Variants in ARRDC3 observed in about 807,000 individuals in gnomAD.
The protein encoded by ARRDC3 is arrestin domain-containing protein 3.
In ARRDC3, 10 loss-of-function variants were observed where a neutral mutation model predicts 47.2. That is an observed-to-expected ratio of 0.21 (90% CI 0.13 to 0.36). The LOEUF is 0.36. Among genes scored for constraint, ARRDC3 ranks in the 10% least tolerant of loss-of-function variants. The pLI is 1.00. For synonymous variants in ARRDC3, 156 were observed against 178.3 expected (o/e 0.87, Z 1.00); for missense variants, 381 against 503.6 (o/e 0.76, Z 2.33).
At position 91,374,231 on chromosome 5, in the gene ARRDC3, G is replaced by A; in HGVS notation, c.916C>T (p.Pro306Ser). The A allele has an allele frequency of 6.2e-7, 1 of 1,613,634 alleles. No homozygotes were observed. Among genetic ancestry groups the A allele is most frequent in the South Asian group, 1.1e-5 (1 of 91,058 alleles). Residue 306 changes from proline to serine, a missense_variant, in exon 6 of 8, where the codon CCA (proline) becomes TCA (serine). Physicochemically the swap from Pro to Ser is moderately conservative, Grantham distance 74. Coordinates refer to ENST00000265138, the MANE Select transcript of ARRDC3 (RefSeq NM_020801.4). Reference sequence around the variant, plus strand: ...AGAGGAATGGTACCGATGACAAGTGGCAAATTAAGAAATAAATCCATAGCT... The same window carrying A: ...AGAGGAATGGTACCGATGACAAGTGACAAATTAAGAAATAAATCCATAGCT... ...PGAMDLFLNL[P>S]LVIGTIPLHP...
At position 91,373,048 on chromosome 5, in the gene ARRDC3, T is replaced by C. The variant is rs548345014; in HGVS notation, c.1188+636A>G. Among the ~76,000 whole-genome samples the C allele has an allele frequency of 1.2e-4, 19 of 152,334 alleles. No individual in the cohort carries two copies. The South Asian group carries it at 1.7e-3, about 13-fold the overall frequency. On this transcript the variant is annotated intron_variant, in intron 7 of 7. Transcript: ENST00000265138. ...CACCTTTTCAAGAAGCCCCACCTGA[T>C]GCCCAAGACCTAATAAGCTGCTTCT... is the stretch of plus-strand genomic sequence containing the variant.
At chr5:91,381,237 G>C (rs1044349717) in intron 1 of ARRDC3, among the ~76,000 whole-genome samples, 7 of 152,110 alleles carry the variant, frequency 4.6e-5, no homozygotes, top group African/African-American at 1.7e-4. Flanking sequence ...AGGGCATTTA[G>C]TTTTCTTTAC....
chr5:91,371,988 A>G (rs1055350749), intron 7 of ARRDC3, among the ~76,000 whole-genome samples: 1 of 152,110 alleles, frequency 6.6e-6, no homozygotes, highest in Non-Finnish European at 1.5e-5. Flanking sequence ...ATGTGAGGTA[A>G]TAACTCATGG....
chr5:91,376,544 G>A, intron 3 of ARRDC3, 77 bp downstream of exon 3: 1 of 1,245,958 alleles, frequency 8.0e-7, no homozygotes, highest in East Asian at 2.5e-5. Flanking sequence ...TATGACAACT[G>A]CATAGTTTAG....
At chr5:91,372,802 A>G (rs1279184791) in intron 7 of ARRDC3, among the ~76,000 whole-genome samples, 1 of 152,182 alleles carries the variant, frequency 6.6e-6, no homozygotes, top group Admixed American at 6.5e-5. Flanking sequence ...AGCTATGTAA[A>G]TTACAGTAAC....
chr5:91,371,437 T>G lies in ARRDC3; in HGVS notation c.1208A>C (p.Gln403Pro), dbSNP rs1209508763. Residue 403 changes from glutamine to proline, a missense_variant, in exon 8 of 8, where the codon CAG becomes CCG. Coordinates refer to ENST00000265138, the MANE Select transcript of ARRDC3 (RefSeq NM_020801.4). ...LYSEIDPNPDQSADDRPSCPS... is the reference protein window; with the variant it reads ...LYSEIDPNPDPSADDRPSCPS... The stretch of plus-strand genomic sequence containing the variant: ...GCAGGATGGTCTATCATCTGCTGAC[T>G]GATCAGGATTTGGATCAATCTAGAA... The G allele has an allele frequency of 6.2e-7, 1 of 1,613,490 alleles. No homozygotes were observed. Among genetic ancestry groups the G allele is most frequent in the East Asian group, 2.2e-5 (1 of 44,872 alleles).
intron 1 of ARRDC3, among the ~76,000 whole-genome samples, chr5:91,381,977 AT>A (rs1414545801): frequency 6.6e-6 from 1 of 152,198 alleles, no homozygotes; most frequent in Admixed American, 6.5e-5. Flanking sequence ...TAAACAATAG[AT>A]TGGAAATCTC....
At chr5:91,382,690 C>T in intron 1 of ARRDC3, 123 bp downstream of exon 1, 1 of 1,104,658 alleles carries the variant, frequency 9.1e-7, no homozygotes, top group East Asian at 2.4e-5. Flanking sequence ...AACCTTCCAA[C>T]TTTGCTAACC....
chr5:91,372,702 C>G (rs1799208410), intron 7 of ARRDC3, among the ~76,000 whole-genome samples: 1 of 151,678 alleles, frequency 6.6e-6, no homozygotes, highest in African/African-American at 2.4e-5. Flanking sequence ...GAAAACTGAC[C>G]CTTCCAGTTA....
intron 7 of ARRDC3, among the ~76,000 whole-genome samples, chr5:91,373,318 A>T (rs1282228781): frequency 6.6e-6 from 1 of 152,240 alleles, no homozygotes; most frequent in Non-Finnish European, 1.5e-5. Flanking sequence ...AAGCATCATG[A>T]ATAAGATAAA....
chr5:91,383,220 T>C lies in ARRDC3; in HGVS notation c.-128A>G. ...AAATGCTTGCAGGCCGGATCAGTGA[T>C]TCTCTACAAATAGTTCATTGAGATT... On this transcript the variant is annotated 5_prime_UTR_variant, in exon 1 of 8. Coordinates refer to ENST00000265138, the MANE Select transcript of ARRDC3 (RefSeq NM_020801.4). 1 of 848,772 alleles carries C rather than the reference T, an allele frequency of 1.2e-6. No individual in the cohort carries two copies. Among genetic ancestry groups the C allele is most frequent in the African/African-American group, 1.7e-5 (1 of 58,386 alleles). 52.6% of individuals were successfully genotyped at this position (848,772 alleles called of 1,614,324 possible). A position where few individuals can be genotyped will look rare whatever the true frequency, so the allele number is the denominator to read the frequency against.
chr5:91,382,789 G>A, intron 1 of ARRDC3, 24 bp downstream of exon 1: 1 of 1,594,536 alleles, frequency 6.3e-7, no homozygotes, highest in South Asian at 1.1e-5. Flanking sequence ...TGAGTCCAAT[G>A]ACTTATGAAT....
chr5:91,375,255 T>C, intron 4 of ARRDC3, 77 bp from the exon 5 acceptor site: 2 of 1,454,382 alleles, frequency 1.4e-6, no homozygotes, highest in Admixed American at 2.2e-5. Context: ...AAAGCTAAAG[T>C]AAGAAAGTGC....
rs1385319028 is a variant in ARRDC3 at position 91,374,204 on chromosome 5, G to A, written c.943C>T (p.His315Tyr). 50 of 1,613,812 alleles carry A rather than the reference G, an allele frequency of 3.1e-5. No homozygotes were observed. In the Admixed American group the frequency reaches 6.2e-4, roughly 20 times the overall value. Residue 315 changes from histidine to tyrosine, a missense_variant, in exon 6 of 8, where the codon CAT becomes TAT. Physicochemically the swap from His to Tyr is moderately conservative, Grantham distance 83. Transcript: ENST00000265138. ...CTTGAGGTTCTGCTACCAAATGGAT[G>A]TAGAGGAATGGTACCGATGACAAGT... is the stretch of plus-strand genomic sequence containing the variant. ...LPLVIGTIPL[H>Y]PFGSRTSSVS...
At chr5:91,376,577 T>C (rs1274102157) in intron 3 of ARRDC3, 44 bp downstream of exon 3, 1 of 1,511,644 alleles carries the variant, frequency 6.6e-7, no homozygotes, top group Non-Finnish European at 9.0e-7. Flanking sequence ...TCTTTAATAT[T>C]TATATGCCAA....
chr5:91,376,813 C>T (rs1389520524), intron 2 of ARRDC3, 45 bp from the exon 3 acceptor site: 1 of 1,536,566 alleles, frequency 6.5e-7, no homozygotes, highest in Non-Finnish European at 8.8e-7. Context: ...ATACCTCTTT[C>T]TAACAATTAC....
Position 91,383,186 on chromosome 5 carries a change from T to C in ARRDC3, c.-94A>G, listed in dbSNP as rs904340435. On this transcript the variant is annotated 5_prime_UTR_variant, in exon 1 of 8. Transcript: ENST00000265138. ...TTCACTTAACACTGATCGATATTTT[T>C]GCCGTGCAAAATGCTTGCAGGCCGG... is the stretch of plus-strand genomic sequence containing the variant. 1 of 1,221,992 alleles carries C rather than the reference T, an allele frequency of 8.2e-7. No homozygotes were observed. The highest frequency in any genetic ancestry group is 1.5e-5 in the African/African-American group (1 of 65,044). 75.7% of individuals were successfully genotyped at this position (1,221,992 alleles called of 1,614,324 possible).
Position 91,382,795 on chromosome 5 carries a change from T to C in ARRDC3, c.280+18A>G, listed in dbSNP as rs969691849. 6.2e-7 allele frequency: 1 copy of C among 1,602,926 alleles called. No homozygotes were observed. The highest frequency in any genetic ancestry group is 1.3e-5 in the African/African-American group (1 of 74,368). The stretch of plus-strand genomic sequence containing the variant: ...CAAAGAAAATGAGTCCAATGACTTA[T>C]GAATAACAAAAACTTACCTCTTTCG... On this transcript the variant is annotated intron_variant, in intron 1 of 7. Coordinates refer to ENST00000265138, the MANE Select transcript of ARRDC3 (RefSeq NM_020801.4).
intron 1 of ARRDC3, chr5:91,380,452 G>C (rs1329558413): frequency 6.6e-6 from 1 of 152,116 alleles, no homozygotes; most frequent in Non-Finnish European, 1.5e-5. Flanking sequence ...GCGGGGGCCC[G>C]AAGGCTTCGG....
Sources: gnomAD v4.1 joint callset for allele counts (sites outside exome capture counted in the v4.1 genomes callset) on GRCh38, gnomAD v4.1.1 for gene constraint, MANE v1.5 for transcripts, NCBI Gene and HGNC (gene_info 2026-07-23, HGNC 2026-07-21) for gene names.